The following LRP6 variants were observed in gnomAD, a reference collection of about 807,000 sequenced individuals.
LRP6 encodes the protein low-density lipoprotein receptor-related protein 6.
In LRP6, 43 loss-of-function variants were observed where a neutral mutation model predicts 184.1. The observed-to-expected ratio is 0.23, with a 90% CI of 0.18 to 0.30. The LOEUF (loss-of-function observed/expected upper bound fraction) is 0.30, where lower values mean the gene tolerates loss of function less well. Among genes scored for constraint, LRP6 ranks in the 10% least tolerant of loss-of-function variants. The pLI is 1.00. For missense variants in LRP6, 1,571 were observed against 2,005.3 expected (o/e 0.78, Z 4.14); for synonymous variants, 719 against 684.9 (o/e 1.05, Z -0.78).
chr12:12,133,824 A>AG (rs943204192), intron 17 of LRP6, among the ~76,000 whole-genome samples: 2 of 117,890 alleles, frequency 1.7e-5, no homozygotes, highest in Admixed American at 2.3e-4. Flanking sequence ...GCACCCTGAT[A>AG]GGGAAACACA....
chr12:12,231,019 A>G (rs1864768827), intron 2 of LRP6, among the ~76,000 whole-genome samples: 2 of 151,788 alleles, frequency 1.3e-5, no homozygotes, highest in Admixed American at 6.6e-5. Flanking sequence ...CGTCTCTACT[A>G]AAAATACAAA....
At chr12:12,151,106 A>G (rs1950075287) in intron 12 of LRP6, 68 bp from the exon 13 acceptor site, 5 of 1,295,314 alleles carry the variant, frequency 3.9e-6, no homozygotes, top group South Asian at 3.8e-5. Context: ...CAATGATTTG[A>G]TCAGCCTGTT....
At chr12:12,241,144 C>T (rs916180323) in intron 2 of LRP6, among the ~76,000 whole-genome samples, 1 of 152,180 alleles carries the variant, frequency 6.6e-6, no homozygotes, top group African/African-American at 2.4e-5. Flanking sequence ...CAATACCAGT[C>T]ATTCAATAGC....
chr12:12,253,981 C>CA (rs1565720812), intron 1 of LRP6, among the ~76,000 whole-genome samples: 2 of 151,238 alleles, frequency 1.3e-5, no homozygotes, highest in Admixed American at 6.6e-5. Context: ...CCTTCTCTAC[C>CA]AAAAAATACA....
chr12:12,184,479 C>G (rs1047549512), intron 4 of LRP6, among the ~76,000 whole-genome samples: 6 of 151,962 alleles, frequency 3.9e-5, no homozygotes, highest in Non-Finnish European at 7.4e-5. Flanking sequence ...GGGAAAAAAA[C>G]CGCTGAGGTT....
At chr12:12,248,471 C>CTTTTTTTTTT (rs71061030) in intron 1 of LRP6, among the ~76,000 whole-genome samples, 10 of 62,792 alleles carry the variant, frequency 1.6e-4, no homozygotes, top group African/African-American at 2.3e-4. Flanking sequence ...AGTCTTTACT[C>CTTTTTTTTTT]TTTTTTTTTT....
intron 19 of LRP6, among the ~76,000 whole-genome samples, chr12:12,128,289 G>A (rs1190056950): frequency 6.6e-6 from 1 of 152,052 alleles, no homozygotes; most frequent in Non-Finnish European, 1.5e-5. Flanking sequence ...TACTATTTCT[G>A]ATTATTCTTT....
intron 2 of LRP6, among the ~76,000 whole-genome samples, chr12:12,244,038 T>G (rs142139179): frequency 2.3e-3 from 350 of 152,244 alleles, no homozygotes; most frequent in African/African-American, 8.2e-3. Flanking sequence ...GAGCTTTGAT[T>G]GCACCACTGC....
At chr12:12,135,333 AG>A (rs1281534354) in intron 16 of LRP6, 33 bp from the exon 17 acceptor site, 1 of 1,334,728 alleles carries the variant, frequency 7.5e-7, no homozygotes. Context: ...TGGGGAGAGG[AG>A]GGGGAGTGGA....
chr12:12,253,669 C>CG (rs1865384655), intron 1 of LRP6, among the ~76,000 whole-genome samples: 1 of 148,716 alleles, frequency 6.7e-6, no homozygotes, highest in African/African-American at 2.5e-5. Context: ...GTGAGACATG[C>CG]GGTGTTTGGT....
At chr12:12,244,203 T>A in intron 2 of LRP6, 59 bp downstream of exon 2, 1 of 1,550,750 alleles carries the variant, frequency 6.4e-7, no homozygotes, top group Non-Finnish European at 8.9e-7. Context: ...GTGGTGTATG[T>A]CAGTGGAGAA....
intron 3 of LRP6, among the ~76,000 whole-genome samples, chr12:12,195,376 G>A (rs538027965): frequency 1.6e-4 from 24 of 151,892 alleles, no homozygotes; most frequent in African/African-American, 5.8e-4. Flanking sequence ...TTGTCTTTTT[G>A]GTAATAGCCA....
chr12:12,209,822 C>T lies in LRP6; in HGVS notation c.450-6422G>A, dbSNP rs185219935. ...AAGCAAGGCAAAACTATTGCCCTTA[C>T]GAAATTCGCAATGTAGACAAGGAGT... is the stretch of plus-strand genomic sequence containing the variant. On this transcript the variant is annotated intron_variant, in intron 2 of 22. Transcript: ENST00000261349. Among the ~76,000 whole-genome samples the T allele has an allele frequency of 6.7e-3, 1,024 of 152,092 alleles. 47 individuals carry two copies. The highest frequency in any genetic ancestry group is 0.056 in the Admixed American group (857 of 15,276).
intron 2 of LRP6, among the ~76,000 whole-genome samples, chr12:12,221,425 C>A (rs1044757642): frequency 1.3e-5 from 2 of 152,168 alleles, no homozygotes; most frequent in Non-Finnish European, 2.9e-5. Context: ...GCACCTCCCC[C>A]CTCTTCCCTC....
rs1950024851 is a variant in LRP6 at position 12,147,429 on chromosome 12, T to G, written c.3334A>C (p.Arg1112=). Reference sequence around the variant, plus strand: ...TCAGCCCAAAAGAGCTTGCCCAGCCTGCTATCAAGGGCTAAAGCAATTGGT... The same window carrying G: ...TCAGCCCAAAAGAGCTTGCCCAGCCGGCTATCAAGGGCTAAAGCAATTGGT... ...SKPIALALDS[R]LGKLFWADSD... The change falls in exon 15 of 23, where the codon AGG becomes CGG. Residue 1112 remains arginine, a synonymous_variant. Transcript: ENST00000261349. 6.2e-7 allele frequency: 1 copy of G among 1,614,048 alleles called. No homozygotes were observed. Among genetic ancestry groups the G allele is most frequent in the Non-Finnish European group, 8.5e-7 (1 of 1,180,028 alleles).
intron 2 of LRP6, among the ~76,000 whole-genome samples, chr12:12,223,235 GCATGTGATGGT>G (rs1299787485): frequency 6.7e-6 from 1 of 148,742 alleles, no homozygotes; most frequent in Non-Finnish European, 1.5e-5. Flanking sequence ...CCTTTTAGAT[GCATGTGATGGT>G]CATTTATCTG....
At chr12:12,155,890 C>T (rs1950145407) in intron 12 of LRP6, 2 of 573,812 alleles carry the variant, frequency 3.5e-6, no homozygotes, top group Non-Finnish European at 6.1e-6. Flanking sequence ...CCAAGCCTTG[C>T]CTTGTTTCTT....
At chr12:12,154,785 T>C (rs898757923) in intron 12 of LRP6, among the ~76,000 whole-genome samples, 1 of 152,112 alleles carries the variant, frequency 6.6e-6, no homozygotes, top group Non-Finnish European at 1.5e-5. Flanking sequence ...AAAATAAAAT[T>C]TGAGACGAGG....
intron 3 of LRP6, among the ~76,000 whole-genome samples, chr12:12,202,492 G>A (rs1472509929): frequency 6.6e-6 from 1 of 152,204 alleles, no homozygotes; most frequent in East Asian, 1.9e-4. Context: ...GCAGTGAGCT[G>A]AGATCACGCT....
Sources: gnomAD v4.1 joint callset for allele counts (sites outside exome capture counted in the v4.1 genomes callset) on GRCh38, gnomAD v4.1.1 for gene constraint, MANE v1.5 for transcripts, NCBI Gene and HGNC (gene_info 2026-07-23, HGNC 2026-07-21) for gene names.